The following CNTNAP2 variants were observed in gnomAD, a reference collection of about 807,000 sequenced individuals.
CNTNAP2 encodes the protein contactin-associated protein-like 2.
Under a neutral mutation model 155.2 loss-of-function variants are expected in CNTNAP2, and 98 were observed. The ratio of observed to expected loss-of-function variants is 0.63; its 90% CI spans 0.54 to 0.75. The LOEUF (loss-of-function observed/expected upper bound fraction) is 0.75. Ranked by LOEUF, CNTNAP2 falls within the 30% of genes least tolerant of loss-of-function variation. The pLI, the probability that CNTNAP2 is intolerant of heterozygous loss-of-function variation, is 0.00. For missense variants in CNTNAP2, 1,727 were observed against 1,688.1 expected (o/e 1.02, Z -0.40); for synonymous variants, 651 against 631.2 (o/e 1.03, Z -0.47).
At chr7:147,445,322 C>T (rs904411392) in intron 10 of CNTNAP2, among the ~76,000 whole-genome samples, 4 of 152,198 alleles carry the variant, frequency 2.6e-5, no homozygotes, top group Non-Finnish European at 5.9e-5. Flanking sequence ...TCCTATGAAA[C>T]AGTGAGACAA....
At chr7:146,847,597 A>G (rs1000995220) in intron 3 of CNTNAP2, among the ~76,000 whole-genome samples, 2 of 152,208 alleles carry the variant, frequency 1.3e-5, no homozygotes, top group East Asian at 3.9e-4. Context: ...GCATTAACAT[A>G]GTATATTGGC....
chr7:146,721,889 A>ATATATATATT lies in CNTNAP2; in HGVS notation c.98-52381_98-52380insATATATATTT. Among the ~76,000 whole-genome samples, 51 of 69,698 alleles carry ATATATATATT rather than the reference A, an allele frequency of 7.3e-4. 1 individual carries two copies. The highest frequency in any genetic ancestry group is 8.6e-4 in the East Asian group (3 of 3,506). 45.7% of individuals were successfully genotyped at this position (69,698 alleles called of 152,430 possible). A position where few individuals can be genotyped will look rare whatever the true frequency, so the allele number is the denominator to read the frequency against. ...TGTGTGTGTGTGTATATATATATAT[A>ATATATATATT]TTTTTTTTTTTTTTTTTGAGATGGA... On this transcript the variant is annotated intron_variant, in intron 1 of 23. Transcript: ENST00000361727.
chr7:148,404,536 G>A (rs147589506), intron 22 of CNTNAP2, among the ~76,000 whole-genome samples: 7 of 152,288 alleles, frequency 4.6e-5, no homozygotes, highest in African/African-American at 1.2e-4. Context: ...GCGGGACGGC[G>A]AGCACACAGG....
chr7:148,204,369 G>A (rs1203756802), intron 18 of CNTNAP2, among the ~76,000 whole-genome samples: 1 of 152,198 alleles, frequency 6.6e-6, no homozygotes, highest in Non-Finnish European at 1.5e-5. Context: ...ATAATCTATA[G>A]TTCATTTACC....
intron 1 of CNTNAP2, among the ~76,000 whole-genome samples, chr7:146,324,220 C>G (rs1057394240): frequency 2.0e-5 from 3 of 152,016 alleles, no homozygotes; most frequent in African/African-American, 7.2e-5. Context: ...TGAGATGGAA[C>G]GATTACACTT....
intron 1 of CNTNAP2, among the ~76,000 whole-genome samples, chr7:146,746,743 T>TAA (rs893324192): frequency 4.5e-4 from 68 of 152,294 alleles, no homozygotes; most frequent in African/African-American, 1.6e-3. Flanking sequence ...TATGCCTACT[T>TAA]ACCATTAGAT....
intron 15 of CNTNAP2, among the ~76,000 whole-genome samples, chr7:148,004,526 T>G (rs1349404562): frequency 8.5e-5 from 13 of 152,340 alleles, no homozygotes; most frequent in South Asian, 2.1e-4. Flanking sequence ...TATGAGAAGC[T>G]TTGTTCATTT....
intron 11 of CNTNAP2, among the ~76,000 whole-genome samples, chr7:147,516,327 C>T (rs1205709393): frequency 6.6e-6 from 1 of 152,056 alleles, no homozygotes; most frequent in Non-Finnish European, 1.5e-5. Flanking sequence ...AATTAATTAG[C>T]TTCTCTTAAT....
chr7:146,952,648 A>C (rs1797343764), intron 3 of CNTNAP2, among the ~76,000 whole-genome samples: 1 of 152,160 alleles, frequency 6.6e-6, no homozygotes, highest in Admixed American at 6.6e-5. Flanking sequence ...ACAAACAAAG[A>C]GCCAAATCAT....
intron 3 of CNTNAP2, among the ~76,000 whole-genome samples, chr7:146,965,157 G>A (rs567880824): frequency 6.6e-6 from 1 of 152,156 alleles, no homozygotes; most frequent in African/African-American, 2.4e-5. Context: ...AGGAGAGGGG[G>A]TGCAATCATT....
chr7:147,029,138 T>C (rs1198659011), intron 3 of CNTNAP2, among the ~76,000 whole-genome samples: 1 of 151,846 alleles, frequency 6.6e-6, no homozygotes, highest in Non-Finnish European at 1.5e-5. Context: ...TAATTTTTTG[T>C]ATTTTTAGTA....
intron 12 of CNTNAP2, among the ~76,000 whole-genome samples, chr7:147,616,833 G>A (rs17326861): frequency 0.03 from 4,532 of 152,184 alleles, 82 homozygotes; most frequent in Non-Finnish European, 0.045. Context: ...CTAGAACTCA[G>A]ATAAATGGTA....
At chr7:147,693,474 A>G (rs140811764) in intron 13 of CNTNAP2, among the ~76,000 whole-genome samples, 2,509 of 152,166 alleles carry the variant, frequency 0.016, 223 homozygotes, top group Admixed American at 0.15. Context: ...CAAACAATAC[A>G]TATCAGCTGT....
chr7:147,165,160 AT>A (rs1489677793), intron 8 of CNTNAP2, among the ~76,000 whole-genome samples: 1 of 123,504 alleles, frequency 8.1e-6, no homozygotes, highest in Admixed American at 8.3e-5. Context: ...AATCCAAAGT[AT>A]TTTTTGATTT....
chr7:148,314,652 G>T (rs1432837417), intron 21 of CNTNAP2, among the ~76,000 whole-genome samples: 1 of 151,620 alleles, frequency 6.6e-6, no homozygotes, highest in Non-Finnish European at 1.5e-5. Flanking sequence ...TGAAGGAGAA[G>T]GAGTTGGGGG....
At chr7:148,032,019 C>T (rs1802485917) in intron 15 of CNTNAP2, among the ~76,000 whole-genome samples, 1 of 152,202 alleles carries the variant, frequency 6.6e-6, no homozygotes, top group South Asian at 2.1e-4. Context: ...CGCCTCCCAT[C>T]TGTCTGCCCT....
chr7:147,205,374 T>C (rs943596800), intron 8 of CNTNAP2, among the ~76,000 whole-genome samples: 14 of 152,140 alleles, frequency 9.2e-5, no homozygotes, highest in Admixed American at 2.0e-4. Flanking sequence ...CACTTTAAGA[T>C]TATTTTTTCT....
intron 16 of CNTNAP2, among the ~76,000 whole-genome samples, chr7:148,123,327 C>T (rs1804639447): frequency 6.6e-6 from 1 of 152,172 alleles, no homozygotes; most frequent in African/African-American, 2.4e-5. Flanking sequence ...GTAGGTCACA[C>T]CTGTCATCCC....
chr7:146,940,821 A>G (rs771451050), intron 3 of CNTNAP2, among the ~76,000 whole-genome samples: 2 of 135,550 alleles, frequency 1.5e-5, no homozygotes, highest in Non-Finnish European at 3.3e-5. Context: ...GTGTGTGTGT[A>G]TATACATATA....
Sources: gnomAD v4.1 joint callset for allele counts (sites outside exome capture counted in the v4.1 genomes callset) on GRCh38, gnomAD v4.1.1 for gene constraint, MANE v1.5 for transcripts, NCBI Gene and HGNC (gene_info 2026-07-23, HGNC 2026-07-21) for gene names.